Variants in FBXO45 observed in about 807,000 individuals in gnomAD.
FBXO45 encodes the protein F-box protein 45.
FBXO45 carries 3 observed loss-of-function variants against 25.5 expected under a neutral mutation model. The ratio of observed to expected loss-of-function variants is 0.12; its 90% CI spans 0.05 to 0.30. The LOEUF (loss-of-function observed/expected upper bound fraction) is 0.30. Ranked by LOEUF, FBXO45 falls within the 10% of genes least tolerant of loss-of-function variation. The probability of loss-of-function intolerance (pLI) is 1.00; values close to 1 mark genes in which losing one functional copy is unlikely to be tolerated. For synonymous variants in FBXO45, 155 were observed against 149.8 expected (o/e 1.03, Z -0.25); for missense variants, 219 against 365.0 (o/e 0.60, Z 3.26).
At chr3:196,581,456 C>T (rs1560319268) in intron 2 of FBXO45, among the ~76,000 whole-genome samples, 1 of 151,866 alleles carries the variant, frequency 6.6e-6, no homozygotes, top group Admixed American at 6.6e-5. Context: ...GTCTCGATCT[C>T]TTGACCTCGT....
chr3:196,570,705 C>CTTTTT (rs869061245), intron 1 of FBXO45, among the ~76,000 whole-genome samples: 2 of 136,322 alleles, frequency 1.5e-5, no homozygotes, highest in Non-Finnish European at 1.5e-5. Flanking sequence ...TTTCTCTTTT[C>CTTTTT]TTTTTTCTTT....
At chr3:196,583,613 T>A (rs1736055506) in intron 2 of FBXO45, among the ~76,000 whole-genome samples, 1 of 152,188 alleles carries the variant, frequency 6.6e-6, no homozygotes, top group South Asian at 2.1e-4. Flanking sequence ...ATTTTAGTGT[T>A]AACCTTAAGA....
chr3:196,570,957 G>A (rs1240602186), intron 1 of FBXO45, among the ~76,000 whole-genome samples: 1 of 151,280 alleles, frequency 6.6e-6, no homozygotes, highest in Non-Finnish European at 1.5e-5. Context: ...GTGATCCGTC[G>A]CCTTGGCCTC....
At chr3:196,578,449 C>G in intron 2 of FBXO45, among the ~76,000 whole-genome samples, 1 of 151,940 alleles carries the variant, frequency 6.6e-6, no homozygotes, top group Non-Finnish European at 1.5e-5. Context: ...GGTTGGCAAA[C>G]TTTTTGTAAG....
chr3:196,573,881 G>A (rs1369704029), intron 1 of FBXO45, among the ~76,000 whole-genome samples: 2 of 151,686 alleles, frequency 1.3e-5, no homozygotes, highest in Non-Finnish European at 2.9e-5. Flanking sequence ...TTCAGGTTGT[G>A]CATGGGAATG....
At chr3:196,582,518 T>G (rs1736030473) in intron 2 of FBXO45, among the ~76,000 whole-genome samples, 1 of 152,096 alleles carries the variant, frequency 6.6e-6, no homozygotes, top group East Asian at 1.9e-4. Context: ...GGGGTTATAA[T>G]CAGGTAGAAT....
intron 1 of FBXO45, among the ~76,000 whole-genome samples, chr3:196,575,112 G>A (rs545882200): frequency 6.6e-6 from 1 of 152,260 alleles, no homozygotes; most frequent in African/African-American, 2.4e-5. Flanking sequence ...CACCAAAAAA[G>A]GAAATGATAC....
chr3:196,586,477 C>T lies in FBXO45; in HGVS notation c.*2159C>T, dbSNP rs1736113054. 6.6e-6 allele frequency: 1 copy of T among 152,196 alleles called. No individual in the cohort carries two copies. The highest frequency in any genetic ancestry group is 2.4e-5 in the African/African-American group (1 of 41,446). 9.4% of individuals were successfully genotyped at this position (152,196 alleles called of 1,614,324 possible). A position where few individuals can be genotyped will look rare whatever the true frequency, so the allele number is the denominator to read the frequency against. On this transcript the variant is annotated 3_prime_UTR_variant, in exon 3 of 3. Transcript: ENST00000311630. ...ATTCCCGAATGTCCCATTCGCAAATCATATGCAATTGAAGTGAGCAGCATG... is the reference window on the plus strand; with the variant it reads ...ATTCCCGAATGTCCCATTCGCAAATTATATGCAATTGAAGTGAGCAGCATG...
At chr3:196,576,967 T>A (rs1001527021) in intron 1 of FBXO45, among the ~76,000 whole-genome samples, 3 of 152,208 alleles carry the variant, frequency 2.0e-5, no homozygotes, top group African/African-American at 7.2e-5. Flanking sequence ...TATAAAAATA[T>A]CAAATATAAA....
intron 2 of FBXO45, among the ~76,000 whole-genome samples, chr3:196,578,398 C>T (rs567362575): frequency 6.6e-6 from 1 of 152,178 alleles, no homozygotes; most frequent in East Asian, 1.9e-4. Flanking sequence ...TATTTGTTTC[C>T]TAATACAACT....
chr3:196,575,694 TGAG>T (rs1735901445), intron 1 of FBXO45, among the ~76,000 whole-genome samples: 1 of 151,266 alleles, frequency 6.6e-6, no homozygotes, highest in African/African-American at 2.4e-5. Context: ...TTTTTTTTTT[TGAG>T]ACAGGGTCTC....
At chr3:196,581,323 C>T (rs554127337) in intron 2 of FBXO45, among the ~76,000 whole-genome samples, 21 of 145,894 alleles carry the variant, frequency 1.4e-4, no homozygotes, top group South Asian at 4.3e-4. Context: ...CACCGACTCC[C>T]GGGTTCAAGT....
In FBXO45 at chr3:196,577,683, A is replaced by T. The variant is rs1451147947; in HGVS notation, c.549A>T (p.Gln183His). 6.2e-7 allele frequency: 1 copy of T among 1,613,926 alleles called. No individual in the cohort carries two copies. The highest frequency in any genetic ancestry group is 2.2e-5 in the East Asian group (1 of 44,882). Residue 183 changes from glutamine to histidine, a missense_variant, in exon 2 of 3, where the codon CAA becomes CAT. By Grantham distance (24) the Gln-to-His change is conservative. Around this residue, in one of 4 missense-constraint regions of FBXO45, gnomAD observed 31 missense variants for 107.2 expected, o/e 0.29. Transcript: ENST00000311630. ...CAAAACGGGCCCCCATGCAGTGCCA[A>T]GGTTATGTGGCATTGCTGGGCAGTG... Reference protein sequence around the residue: ...IATKRAPMQCQGYVALLGSDD... With the variant: ...IATKRAPMQCHGYVALLGSDD...
rs1214543133 is a variant in FBXO45, at chr3:196,587,560, G to A, written c.*3242G>A. 1.3e-5 allele frequency: 2 copies of A among 152,186 alleles called. No individual in the cohort carries two copies. Among genetic ancestry groups the A allele is most frequent in the Admixed American group, 1.3e-4 (2 of 15,284 alleles). 9.4% of individuals were successfully genotyped at this position (152,186 alleles called of 1,614,324 possible). On this transcript the variant is annotated 3_prime_UTR_variant, in exon 3 of 3. Coordinates refer to ENST00000311630, the MANE Select transcript of FBXO45 (RefSeq NM_001105573.2). ...AACTACTACTGTATAATGAACTTTT[G>A]TTTGTTTTTGGAGACAGGGTTTCAC...
chr3:196,569,491 C>T lies in FBXO45; in HGVS notation c.318+189C>T, dbSNP rs13070871. Among the ~76,000 whole-genome samples the T allele has an allele frequency of 6.6e-6, 1 of 152,198 alleles. No homozygotes were observed. Among genetic ancestry groups the T allele is most frequent in the Non-Finnish European group, 1.5e-5 (1 of 68,034 alleles). On this transcript the variant is annotated intron_variant, in intron 1 of 2. Coordinates refer to ENST00000311630, the MANE Select transcript of FBXO45 (RefSeq NM_001105573.2). This position sits in a 1 kb window ranked among gnomAD's most constrained non-coding sequence, Gnocchi z 4.1. Reference sequence around the variant, plus strand: ...TTTTCTTTGGATCGAAGTTCTGCTCCTTAACCCATCCCACTTCCGTGATCC... The same window carrying T: ...TTTTCTTTGGATCGAAGTTCTGCTCTTTAACCCATCCCACTTCCGTGATCC...
intron 1 of FBXO45, among the ~76,000 whole-genome samples, chr3:196,570,862 C>T (rs1369712430): frequency 6.6e-6 from 1 of 152,090 alleles, no homozygotes; most frequent in East Asian, 1.9e-4. Context: ...CAGGCGCCCG[C>T]CACCACGCCC....
intron 2 of FBXO45, among the ~76,000 whole-genome samples, chr3:196,578,949 A>G (rs1735963517): frequency 6.6e-6 from 1 of 152,096 alleles, no homozygotes; most frequent in Non-Finnish European, 1.5e-5. Context: ...GGCACATCCA[A>G]ATCTTTTTCT....
chr3:196,569,292 A>C lies in FBXO45; in HGVS notation c.308A>C (p.Tyr103Ser). Reference sequence around the variant, plus strand: ...GACATCCTGTGCAACCTGCCCAGCTACAAGGCCAAGGTGAGAGAGCCCCGG... The same window carrying C: ...GACATCCTGTGCAACCTGCCCAGCTCCAAGGCCAAGGTGAGAGAGCCCCGG... ...RTDILCNLPSYKAKIRAFQHA... is the reference protein window; with the variant it reads ...RTDILCNLPSSKAKIRAFQHA... The change falls in exon 1 of 3, where the codon TAC becomes TCC. Residue 103 changes from tyrosine to serine, a missense_variant. Physicochemically the swap from Tyr to Ser is moderately radical, Grantham distance 144 (BLOSUM62 -2). Around this residue, in one of 4 missense-constraint regions of FBXO45, gnomAD observed 138 missense variants for 157.3 expected, o/e 0.88. Transcript: ENST00000311630. The surrounding 1 kb of genome is among the most constrained non-coding windows in gnomAD (Gnocchi z 4.1). 1.3e-6 allele frequency: 2 copies of C among 1,567,522 alleles called. No individual in the cohort carries two copies. Among genetic ancestry groups the C allele is most frequent in the Non-Finnish European group, 8.7e-7 (1 of 1,154,148 alleles).
chr3:196,579,124 T>G (rs1735965488), intron 2 of FBXO45, among the ~76,000 whole-genome samples: 1 of 152,218 alleles, frequency 6.6e-6, no homozygotes, highest in South Asian at 2.1e-4. Flanking sequence ...TGACTCAAGT[T>G]AAAATTATAG....
Sources: gnomAD v4.1 joint callset for allele counts (sites outside exome capture counted in the v4.1 genomes callset) on GRCh38, gnomAD v4.1.1 for gene constraint, gnomAD v4.1.1 regional missense constraint, Gnocchi (gnomAD v3.1) non-coding constraint, MANE v1.5 for transcripts, NCBI Gene and HGNC (gene_info 2026-07-23, HGNC 2026-07-21) for gene names.